The following ANK1 variants were observed in gnomAD, a reference collection of about 807,000 sequenced individuals.
ANK1 encodes ankyrin 1.
In ANK1, 51 loss-of-function variants were observed where a neutral mutation model predicts 210.4. The ratio of observed to expected loss-of-function variants is 0.24; its 90% CI spans 0.19 to 0.31. The LOEUF (loss-of-function observed/expected upper bound fraction) is 0.31. Ranked by LOEUF, ANK1 falls within the 10% of genes least tolerant of loss-of-function variation. The pLI is 1.00. For synonymous variants in ANK1, 967 were observed against 1,025.9 expected (o/e 0.94, Z 1.10); for missense variants, 2,051 against 2,504.4 (o/e 0.82, Z 3.86).
In ANK1 at chr8:41,693,129, T is replaced by C. The variant is rs770760220; in HGVS notation, c.3605A>G (p.Asn1202Ser). The C allele has an allele frequency of 6.2e-7, 1 of 1,613,382 alleles. No individual in the cohort carries two copies. Among genetic ancestry groups the C allele is most frequent in the East Asian group, 2.2e-5 (1 of 44,842 alleles). Reference sequence around the variant, plus strand: ...CCTGGCAGAGACATTGGTGGTGAAGTTGGCGCACTCGTTGGCATATACAAG... The same window carrying C: ...CCTGGCAGAGACATTGGTGGTGAAGCTGGCGCACTCGTTGGCATATACAAG... ...TKLVYANECA[N>S]FTTNVSARFW... The change falls in exon 30 of 43, where the codon AAC becomes AGC. Residue 1202 changes from asparagine (N) to serine (S), a missense_variant. Transcript: ENST00000289734.
upstream of ANK1, among the ~76,000 whole-genome samples, chr8:41,797,971 C>T (rs1849121665): frequency 6.6e-6 from 1 of 151,730 alleles, no homozygotes; most frequent in Non-Finnish European, 1.5e-5. The surrounding 1 kb of genome is among the most constrained non-coding windows in gnomAD (Gnocchi z 4.0). Context: ...TCGCTGGGTG[C>T]AGGGGAAGCA....
intron 1 of ANK1, among the ~76,000 whole-genome samples, chr8:41,819,026 C>G (rs1803773932): frequency 6.6e-6 from 1 of 152,180 alleles, no homozygotes; most frequent in African/African-American, 2.4e-5. Flanking sequence ...CCCGCATGCA[C>G]ACTAGAAGGA....
At chr8:41,761,716 C>T (rs1461659719) in intron 1 of ANK1, among the ~76,000 whole-genome samples, 1 of 152,202 alleles carries the variant, frequency 6.6e-6, no homozygotes, top group East Asian at 1.9e-4. Flanking sequence ...TCCAAATCTA[C>T]AGCCGAAGAC....
chr8:41,663,114 C>CTCTCTGTG lies in ANK1; in HGVS notation c.5478+544_5478+545insCACAGAGA, dbSNP rs1554517870. On this transcript the variant is annotated intron_variant, in intron 40 of 42. Coordinates refer to ENST00000289734, the MANE Select transcript of ANK1 (RefSeq NM_000037.4). ...TGTGTGTGTGTCTCTCTCTCTCTCT[C>CTCTCTGTG]TGTGTGTGTGTGTGTGTGTGTGTGT... 3.2e-3 allele frequency among the ~76,000 whole-genome samples: 465 copies of CTCTCTGTG among 145,204 alleles called. 1 individual carries two copies. Among genetic ancestry groups the CTCTCTGTG allele is most frequent in the Middle Eastern group, 0.017 (5 of 292 alleles).
intron 1 of ANK1, among the ~76,000 whole-genome samples, chr8:41,866,402 C>G (rs935448382): frequency 1.6e-4 from 24 of 152,116 alleles, no homozygotes; most frequent in African/African-American, 5.8e-4. Context: ...CTGTGTTGCC[C>G]AGGCTGGTCT....
chr8:41,754,850 AACCCTG>A (rs766044578), intron 2 of ANK1, among the ~76,000 whole-genome samples: 269 of 152,356 alleles, frequency 1.8e-3, no homozygotes, highest in Middle Eastern at 3.4e-3. Context: ...AGGTTCAGGG[AACCCTG>A]ACCAGCTCCT....
chr8:41,859,350 GTTTGT>G (rs148589521), intron 1 of ANK1, among the ~76,000 whole-genome samples: 2,450 of 152,272 alleles, frequency 0.016, 71 homozygotes, highest in African/African-American at 0.056. Context: ...TTGTTTGTTT[GTTTGT>G]TTGTTTGTTT....
At chr8:41,851,960 T>C (rs1460311091) in intron 1 of ANK1, among the ~76,000 whole-genome samples, 1 of 152,216 alleles carries the variant, frequency 6.6e-6, no homozygotes, top group Non-Finnish European at 1.5e-5. Context: ...CAAGATCATA[T>C]TCATAACCCT....
intron 1 of ANK1, among the ~76,000 whole-genome samples, chr8:41,767,434 A>G (rs962459737): frequency 1.3e-5 from 2 of 151,282 alleles, no homozygotes; most frequent in African/African-American, 4.9e-5. Context: ...CCTCCCGGTT[A>G]TCTGCTGGGC....
rs1828076553 is a variant in ANK1, at chr8:41,717,654, TGGGAAGGTGCCCCATGAAGGAGGCCACG to T, written c.1227_1254del (p.His409GlnfsTer3). 6.4e-7 allele frequency: 1 copy of T among 1,551,526 alleles called. No homozygotes were observed. The highest frequency in any genetic ancestry group is 1.4e-5 in the African/African-American group (1 of 73,036). ...CCCCGCTGCAGGAGGTTCTTCACGA[TGGGAAGGTGCCCCATGAAGGAGGCCACG>T]TGGAGAGGTGTCAGGCCAGACTGAA... On this transcript the variant is annotated frameshift_variant, in exon 12 of 43. Transcript: ENST00000289734. LOFTEE classifies it high-confidence loss of function.
intron 3 of ANK1, among the ~76,000 whole-genome samples, chr8:41,729,425 C>G (rs1029363745): frequency 9.2e-5 from 14 of 152,336 alleles, no homozygotes; most frequent in African/African-American, 3.4e-4. Context: ...AGGTCTCGCT[C>G]TAACACCCAG....
chr8:41,815,582 A>C (rs1803190535), intron 1 of ANK1, among the ~76,000 whole-genome samples: 1 of 152,080 alleles, frequency 6.6e-6, no homozygotes, highest in South Asian at 2.1e-4. Context: ...AGACAAAGTT[A>C]TTTTCCCTCT....
chr8:41,691,745 A>G (rs1819324640), intron 31 of ANK1, among the ~76,000 whole-genome samples: 1 of 152,236 alleles, frequency 6.6e-6, no homozygotes, highest in Non-Finnish European at 1.5e-5. Context: ...TAGCTGTGTG[A>G]CCATTGGCAA....
chr8:41,657,088 C>T (rs1033924738), intron 42 of ANK1, among the ~76,000 whole-genome samples: 7 of 152,290 alleles, frequency 4.6e-5, no homozygotes, highest in South Asian at 2.1e-4. Context: ...TTCTGCCTGC[C>T]GCCCTCAACA....
intron 39 of ANK1, chr8:41,665,257 C>G: frequency 6.6e-7 from 1 of 1,505,996 alleles, no homozygotes; most frequent in African/African-American, 1.4e-5. Flanking sequence ...TGCCCAGCAG[C>G]CAGGCTCTGC....
At position 41,715,118 on chromosome 8, in the gene ANK1, T is replaced by C. The variant is rs778412447; in HGVS notation, c.1603-44A>G. 4 of 1,566,132 alleles carry C rather than the reference T, an allele frequency of 2.6e-6. No homozygotes were observed. In the South Asian group the frequency reaches 3.3e-5, roughly 13 times the overall value. ...TCAGGACCTTGGGGCCCCAGGGCTG[T>C]CCTCCCTGGAGAAAGGGCCCACAGC... On this transcript the variant is annotated intron_variant, in intron 14 of 42. Coordinates refer to ENST00000289734, the MANE Select transcript of ANK1 (RefSeq NM_000037.4).
intron 2 of ANK1, 78 bp from the exon 3 acceptor site, chr8:41,734,147 C>G (rs1389609591): frequency 8.2e-7 from 1 of 1,222,608 alleles, no homozygotes; most frequent in Non-Finnish European, 1.2e-6. Context: ...GGCCCAGGCC[C>G]CTTCCCAGCC....
intron 2 of ANK1, among the ~76,000 whole-genome samples, chr8:41,749,746 G>A (rs960106561): frequency 6.6e-6 from 1 of 151,884 alleles, no homozygotes; most frequent in African/African-American, 2.4e-5. Context: ...CTGAGTAGCT[G>A]GGATTACAGG....
In ANK1 at chr8:41,715,660, T is replaced by G. The variant is rs752289346; in HGVS notation, c.1594A>C (p.Met532Leu). The part of the protein sequence containing the change: ...LLEKEASQAC[M>L]TKKGFTPLHV... The stretch of plus-strand genomic sequence containing the variant: ...GAGGCGGGAGGCTGTACCTTGGTCA[T>G]GCAGGCCTGGGATGCTTCCTTTTCC... The change falls in exon 14 of 43, where the codon ATG (methionine) becomes CTG (leucine). Residue 532 changes from methionine (M) to leucine (L), a missense_variant. By Grantham distance (15) the Met-to-Leu change is conservative. Coordinates refer to ENST00000289734, the MANE Select transcript of ANK1 (RefSeq NM_000037.4). The G allele has an allele frequency of 2.6e-5, 42 of 1,613,300 alleles. No individual in the cohort carries two copies. The highest frequency in any genetic ancestry group is 3.4e-5 in the Non-Finnish European group (40 of 1,179,972).
Sources: gnomAD v4.1 joint callset for allele counts (sites outside exome capture counted in the v4.1 genomes callset) on GRCh38, gnomAD v4.1.1 for gene constraint, Gnocchi (gnomAD v3.1) non-coding constraint, MANE v1.5 for transcripts, NCBI Gene and HGNC (gene_info 2026-07-23, HGNC 2026-07-21) for gene names.